EYS: variants seen among roughly 807,000 people sequenced by gnomAD.
EYS encodes the protein protein eyes shut homolog.
A neutral mutation model predicts 282.1 loss-of-function variants in EYS; 250 were observed. That is an observed-to-expected ratio of 0.89 (90% confidence interval 0.80 to 0.98). The LOEUF (loss-of-function observed/expected upper bound fraction) is 0.98, where lower values mean the gene tolerates loss of function less well. EYS is among the 50% of genes least tolerant of loss of function. The probability of loss-of-function intolerance (pLI) is 0.00; values close to 1 mark genes in which losing one functional copy is unlikely to be tolerated. For missense variants in EYS, 4,016 were observed against 3,709.0 expected (o/e 1.08, Z -2.15); for synonymous variants, 1,355 against 1,282.9 (o/e 1.06, Z -1.20).
chr6:64,620,870 T>C lies in EYS; in HGVS notation c.3569-3337A>G, dbSNP rs924439119. ...TCTAGGAAAAGTAATCAAATTATTATGGTGTTAAACTAATAGTATTAACCT... is the reference window on the plus strand; with the variant it reads ...TCTAGGAAAAGTAATCAAATTATTACGGTGTTAAACTAATAGTATTAACCT... On this transcript the variant is annotated intron_variant, in intron 23 of 42. Transcript: ENST00000503581. Among the ~76,000 whole-genome samples, 6 of 152,302 alleles carry C rather than the reference T, an allele frequency of 3.9e-5. No homozygotes were observed. The South Asian group carries it at 1.2e-3, about 32-fold the overall frequency.
chr6:65,334,200 T>C (rs1255233604), intron 11 of EYS, among the ~76,000 whole-genome samples: 1 of 151,822 alleles, frequency 6.6e-6, no homozygotes, highest in Non-Finnish European at 1.5e-5. Context: ...TTTTTTTCAT[T>C]GTAATTATTC....
chr6:65,252,507 A>G (rs1361692039), intron 12 of EYS, among the ~76,000 whole-genome samples: 1 of 152,022 alleles, frequency 6.6e-6, no homozygotes, highest in African/African-American at 2.4e-5. Flanking sequence ...TATATCCTCA[A>G]TAGGATTTAA....
intron 11 of EYS, among the ~76,000 whole-genome samples, chr6:65,311,160 A>C (rs544713706): frequency 6.6e-6 from 1 of 152,246 alleles, no homozygotes; most frequent in Non-Finnish European, 1.5e-5. Flanking sequence ...ATATCTATAA[A>C]TACTTAAAAA....
intron 2 of EYS, among the ~76,000 whole-genome samples, chr6:65,528,226 T>A (rs1767640526): frequency 6.6e-6 from 1 of 152,202 alleles, no homozygotes; most frequent in South Asian, 2.1e-4. Flanking sequence ...CAGTCTCTGT[T>A]TCTGATTGTT....
chr6:64,587,840 T>A (rs1303579974), intron 26 of EYS, among the ~76,000 whole-genome samples: 1 of 152,056 alleles, frequency 6.6e-6, no homozygotes, highest in Non-Finnish European at 1.5e-5. Flanking sequence ...GACATATGGA[T>A]TAATTGAAAA....
At chr6:65,144,286 T>C (rs572266030) in intron 12 of EYS, among the ~76,000 whole-genome samples, 1 of 152,288 alleles carries the variant, frequency 6.6e-6, no homozygotes, top group South Asian at 2.1e-4. Context: ...CACCACTTTG[T>C]GATCTATGCT....
At chr6:64,161,891 G>A (rs941203295) in intron 31 of EYS, among the ~76,000 whole-genome samples, 2 of 152,102 alleles carry the variant, frequency 1.3e-5, no homozygotes, top group African/African-American at 4.8e-5. Flanking sequence ...AGAGTTTGCA[G>A]TTTGTTTATG....
At chr6:64,962,818 C>A (rs1008931396) in intron 14 of EYS, among the ~76,000 whole-genome samples, 1 of 151,836 alleles carries the variant, frequency 6.6e-6, no homozygotes, top group East Asian at 1.9e-4. Context: ...AATAGATTAC[C>A]GAAGAGTAAG....
At chr6:64,357,495 G>A (rs1437341280) in intron 29 of EYS, among the ~76,000 whole-genome samples, 1 of 151,556 alleles carries the variant, frequency 6.6e-6, no homozygotes, top group Non-Finnish European at 1.5e-5. Flanking sequence ...AAATGTGGAG[G>A]ATGTTTCTCA....
At chr6:64,954,007 A>G (rs1480216107) in intron 14 of EYS, among the ~76,000 whole-genome samples, 1 of 14,916 alleles carries the variant, frequency 6.7e-5, no homozygotes, top group Non-Finnish European at 1.4e-4. Context: ...TTTCATTAGT[A>G]ACAAAAAAAA....
At chr6:64,278,350 GA>G in intron 30 of EYS, among the ~76,000 whole-genome samples, 1 of 152,082 alleles carries the variant, frequency 6.6e-6, no homozygotes, top group Admixed American at 6.5e-5. Context: ...CACATTTTTA[GA>G]AGCTTTTTAA....
At chr6:64,929,455 C>T (rs1329295427) in intron 15 of EYS, among the ~76,000 whole-genome samples, 2 of 152,110 alleles carry the variant, frequency 1.3e-5, no homozygotes, top group Non-Finnish European at 2.9e-5. Flanking sequence ...TAATATGCCA[C>T]TTCCTGTAAA....
At position 65,494,991 on chromosome 6, in the gene EYS, C is replaced by A. The variant is rs1465398311; in HGVS notation, c.420G>T (p.Trp140Cys). Reference sequence around the variant, plus strand: ...TAAAATAATGTGTCCCAACACTCAGCCACTTAGAATTAACAGTGTGCATTC... The same window carrying A: ...TAAAATAATGTGTCCCAACACTCAGACACTTAGAATTAACAGTGTGCATTC... ...LKGMHTVNSK[W>C]LSVGTHYFIT... The change falls in exon 4 of 43, where the codon TGG becomes TGT. Residue 140 changes from tryptophan to cysteine, a missense_variant. Coordinates refer to ENST00000503581, the MANE Select transcript of EYS (RefSeq NM_001142800.2). The A allele has an allele frequency of 3.7e-6, 6 of 1,613,986 alleles. No homozygotes were observed. The African/African-American group carries it at 4.0e-5, about 11-fold the overall frequency.
chr6:65,526,772 C>T (rs1767583349), intron 2 of EYS, among the ~76,000 whole-genome samples: 1 of 151,930 alleles, frequency 6.6e-6, no homozygotes, highest in Non-Finnish European at 1.5e-5. Context: ...CGCCACTGCA[C>T]TCCAGCCTGG....
intron 19 of EYS, among the ~76,000 whole-genome samples, chr6:64,839,391 T>C (rs1041905472): frequency 6.6e-6 from 1 of 152,080 alleles, no homozygotes; most frequent in Non-Finnish European, 1.5e-5. Context: ...AGATTTTGTG[T>C]ACTGTGACTC....
chr6:63,794,649 T>C (rs1770598369), intron 37 of EYS, among the ~76,000 whole-genome samples: 1 of 152,246 alleles, frequency 6.6e-6, no homozygotes, highest in South Asian at 2.1e-4. Context: ...AAATTCAGCT[T>C]TCTATAAAAC....
intron 12 of EYS, among the ~76,000 whole-genome samples, chr6:65,077,170 A>C (rs778645228): frequency 2.6e-5 from 4 of 152,056 alleles, no homozygotes; most frequent in Non-Finnish European, 4.4e-5. Flanking sequence ...AGGATCTATT[A>C]GCCCTAAGGT....
chr6:64,090,840 ATCT>A (rs1772332810), intron 31 of EYS, among the ~76,000 whole-genome samples: 1 of 152,106 alleles, frequency 6.6e-6, no homozygotes, highest in African/African-American at 2.4e-5. Context: ...TTGGAATGCC[ATCT>A]TCTTCTGCCT....
chr6:64,163,779 G>A (rs1468874559), intron 31 of EYS, among the ~76,000 whole-genome samples: 1 of 152,008 alleles, frequency 6.6e-6, no homozygotes, highest in Non-Finnish European at 1.5e-5. Flanking sequence ...AAAATTTCAA[G>A]TGATATATGC....
Sources: gnomAD v4.1 joint callset for allele counts (sites outside exome capture counted in the v4.1 genomes callset) on GRCh38, gnomAD v4.1.1 for gene constraint, MANE v1.5 for transcripts, NCBI Gene and HGNC (gene_info 2026-07-23, HGNC 2026-07-21) for gene names.